Variants in GRID1 observed in about 807,000 individuals in gnomAD.
GRID1 encodes glutamate receptor ionotropic, delta-1.
GRID1 carries 28 observed loss-of-function variants against 98.0 expected under a neutral mutation model. The observed-to-expected ratio is 0.29, with a 90% CI of 0.21 to 0.39. GRID1 has a LOEUF of 0.39. Ranked by LOEUF, GRID1 falls within the 10% of genes least tolerant of loss-of-function variation. The probability of loss-of-function intolerance (pLI) is 1.00; values close to 1 mark genes in which losing one functional copy is unlikely to be tolerated. For missense variants in GRID1, 1,111 were observed against 1,340.5 expected, an observed-to-expected ratio of 0.83 and a Z score of 2.67; for synonymous variants, 553 against 538.5, an observed-to-expected ratio of 1.03 and a Z score of -0.37.
chr10:86,014,120 G>A (rs1842952282), intron 4 of GRID1, among the ~76,000 whole-genome samples: 1 of 152,180 alleles, frequency 6.6e-6, no homozygotes, highest in Non-Finnish European at 1.5e-5. Context: ...CCAGGCTACA[G>A]GACAGAGGCT....
chr10:85,720,582 T>C (rs1391606704), intron 12 of GRID1, among the ~76,000 whole-genome samples: 1 of 147,370 alleles, frequency 6.8e-6, no homozygotes, highest in Non-Finnish European at 1.5e-5. Context: ...GATAGCCTTT[T>C]CAACAAATAG....
chr10:85,961,418 T>C (rs923935492), intron 4 of GRID1, among the ~76,000 whole-genome samples: 1 of 152,016 alleles, frequency 6.6e-6, no homozygotes, highest in Non-Finnish European at 1.5e-5. Context: ...CCCAGACCAG[T>C]GAGGAGGCCT....
intron 2 of GRID1, among the ~76,000 whole-genome samples, chr10:86,282,031 T>C (rs747755716): frequency 6.6e-6 from 1 of 152,256 alleles, no homozygotes; most frequent in South Asian, 2.1e-4. Flanking sequence ...TCCAGTCATC[T>C]GGGTTTGCAT....
intron 4 of GRID1, among the ~76,000 whole-genome samples, chr10:86,072,302 T>A (rs1170449836): frequency 6.6e-6 from 1 of 152,150 alleles, no homozygotes; most frequent in Non-Finnish European, 1.5e-5. Flanking sequence ...CTAAGATTTA[T>A]CACTAACCAA....
intron 2 of GRID1, among the ~76,000 whole-genome samples, chr10:86,254,586 A>G (rs1432061208): frequency 6.6e-6 from 1 of 152,196 alleles, no homozygotes; most frequent in Admixed American, 6.5e-5. Context: ...TTGCAGCCCC[A>G]TAGTGCGGGA....
rs76962131 is a variant in GRID1 at position 86,317,747 on chromosome 10, T to A, written c.235+46194A>T. On this transcript the variant is annotated intron_variant, in intron 2 of 15. Coordinates refer to ENST00000327946, the MANE Select transcript of GRID1 (RefSeq NM_017551.3). ...TGTGTCATTTTTTAATTTTAATTTT[T>A]ATTTTTATTTTTAGACATGGTCGCA... 2.1e-3 allele frequency among the ~76,000 whole-genome samples: 321 copies of A among 152,234 alleles called. 1 individual carries two copies. The highest frequency in any genetic ancestry group is 5.2e-3 in the East Asian group (27 of 5,186).
chr10:86,151,177 G>A (rs953748517), intron 3 of GRID1, among the ~76,000 whole-genome samples: 4 of 152,082 alleles, frequency 2.6e-5, no homozygotes, highest in Admixed American at 6.5e-5. Context: ...TCACCAACAA[G>A]CTGAAGGCAC....
chr10:86,270,333 C>T lies in GRID1; in HGVS notation c.236-63685G>A, dbSNP rs1001794600. ...AACAATTGCCTCCTCTCTACCACCCCCACCCTTCATTCTCTCCATTCCCTC... is the reference window on the plus strand; with the variant it reads ...AACAATTGCCTCCTCTCTACCACCCTCACCCTTCATTCTCTCCATTCCCTC... On this transcript the variant is annotated intron_variant, in intron 2 of 15. Coordinates refer to ENST00000327946, the MANE Select transcript of GRID1 (RefSeq NM_017551.3). Among the ~76,000 whole-genome samples the T allele has an allele frequency of 2.6e-5, 4 of 152,076 alleles. No individual in the cohort carries two copies. In the East Asian group the frequency reaches 7.7e-4, roughly 29 times the overall value.
At chr10:86,083,544 G>A (rs143377084) in intron 4 of GRID1, among the ~76,000 whole-genome samples, 8 of 152,328 alleles carry the variant, frequency 5.3e-5, no homozygotes, top group Non-Finnish European at 8.8e-5. Flanking sequence ...GACATTGCAC[G>A]AAGCGATGGG....
chr10:85,995,200 G>A (rs984645907), intron 4 of GRID1, among the ~76,000 whole-genome samples: 8 of 152,308 alleles, frequency 5.3e-5, no homozygotes, highest in East Asian at 3.9e-4. Context: ...GAACAAAGTC[G>A]TTTCCAATAA....
intron 4 of GRID1, among the ~76,000 whole-genome samples, chr10:86,036,678 G>A (rs1220740048): frequency 6.6e-6 from 1 of 152,200 alleles, no homozygotes; most frequent in Non-Finnish European, 1.5e-5. Flanking sequence ...CGGTGAGAGT[G>A]TCCACCAGCT....
intron 4 of GRID1, among the ~76,000 whole-genome samples, chr10:86,003,717 T>C (rs766576150): frequency 3.3e-5 from 5 of 152,308 alleles, no homozygotes; most frequent in Admixed American, 6.5e-5. Flanking sequence ...AAGAAGATAT[T>C]CAAACATCTA....
At chr10:86,337,689 CT>C (rs574074432) in intron 2 of GRID1, among the ~76,000 whole-genome samples, 128 of 143,552 alleles carry the variant, frequency 8.9e-4, no homozygotes, top group African/African-American at 3.1e-3. Flanking sequence ...TTTCTCTTCC[CT>C]TTGGGAACTT....
chr10:85,870,209 C>G (rs946991528), intron 5 of GRID1, among the ~76,000 whole-genome samples: 3 of 152,226 alleles, frequency 2.0e-5, no homozygotes, highest in African/African-American at 7.2e-5. Flanking sequence ...CTGGAAAGAG[C>G]AGACTTGCTG....
Position 86,138,472 on chromosome 10 carries a change from G to A in GRID1, c.726+347C>T, listed in dbSNP as rs543992740. Reference sequence around the variant, plus strand: ...AAGCTGGAAATTTATTTTATCCCTAGAGGCTTACACCTGTCAACAAAGAGA... The same window carrying A: ...AAGCTGGAAATTTATTTTATCCCTAAAGGCTTACACCTGTCAACAAAGAGA... On this transcript the variant is annotated intron_variant, in intron 4 of 15. Transcript: ENST00000327946. Among the ~76,000 whole-genome samples the A allele has an allele frequency of 3.9e-4, 60 of 152,008 alleles. 1 individual carries two copies. The Middle Eastern group carries it at 0.02, about 52-fold the overall frequency.
At chr10:85,982,221 A>G (rs1842553316) in intron 4 of GRID1, among the ~76,000 whole-genome samples, 1 of 151,658 alleles carries the variant, frequency 6.6e-6, no homozygotes, top group South Asian at 2.1e-4. Flanking sequence ...TGGGTAAACT[A>G]TGTGAGATGA....
rs372026037 is a variant in GRID1, at chr10:85,797,506, T to C, written c.1233+56990A>G. Among the ~76,000 whole-genome samples, 58 of 152,286 alleles carry C rather than the reference T, an allele frequency of 3.8e-4. 1 individual carries two copies. The East Asian group carries it at 8.9e-3, about 23-fold the overall frequency. On this transcript the variant is annotated intron_variant, in intron 8 of 15. Transcript: ENST00000327946. Reference sequence around the variant, plus strand: ...GTGCAATGGTGCAATCTCAGCTCACTGCAACCTCCACCTCCCGTGTTCAAG... The same window carrying C: ...GTGCAATGGTGCAATCTCAGCTCACCGCAACCTCCACCTCCCGTGTTCAAG...
At chr10:85,721,699 G>A (rs747033565) in intron 12 of GRID1, among the ~76,000 whole-genome samples, 1 of 152,204 alleles carries the variant, frequency 6.6e-6, no homozygotes, top group African/African-American at 2.4e-5. Context: ...AGTGTCAGGG[G>A]AAGAAATGTG....
chr10:85,983,272 T>C (rs1036419710), intron 4 of GRID1, among the ~76,000 whole-genome samples: 24 of 152,146 alleles, frequency 1.6e-4, no homozygotes, highest in Admixed American at 8.5e-4. Context: ...TGGTATAAGA[T>C]GTAGTCCAAC....
Sources: gnomAD v4.1 joint callset for allele counts (sites outside exome capture counted in the v4.1 genomes callset) on GRCh38, gnomAD v4.1.1 for gene constraint, MANE v1.5 for transcripts, NCBI Gene and HGNC (gene_info 2026-07-23, HGNC 2026-07-21) for gene names.